The following NRXN3 variants were observed in gnomAD, a reference collection of about 807,000 sequenced individuals.
The protein encoded by NRXN3 is neurexin 3.
A neutral mutation model predicts 137.6 loss-of-function variants in NRXN3; 32 were observed. The observed-to-expected ratio is 0.23, with a 90% CI of 0.18 to 0.31. The LOEUF (loss-of-function observed/expected upper bound fraction) is 0.31, where lower values mean the gene tolerates loss of function less well. Among genes scored for constraint, NRXN3 ranks in the 10% least tolerant of loss-of-function variants. The probability of loss-of-function intolerance (pLI) is 1.00; values close to 1 mark genes in which losing one functional copy is unlikely to be tolerated. For synonymous variants in NRXN3, 798 were observed against 784.5 expected (o/e 1.02, Z -0.29); for missense variants, 1,574 against 2,062.5 (o/e 0.76, Z 4.59).
chr14:78,641,455 G>A (rs895142573), intron 4 of NRXN3, among the ~76,000 whole-genome samples: 11 of 152,186 alleles, frequency 7.2e-5, no homozygotes, highest in Non-Finnish European at 1.5e-4. Flanking sequence ...CTGGGGGACA[G>A]AGCGAGACTC....
At chr14:78,857,080 A>G (rs2099059440) in intron 10 of NRXN3, among the ~76,000 whole-genome samples, 2 of 152,140 alleles carry the variant, frequency 1.3e-5, no homozygotes, top group African/African-American at 2.4e-5. Flanking sequence ...TATGTTATGC[A>G]ATGAAAATGT....
intron 10 of NRXN3, among the ~76,000 whole-genome samples, chr14:78,889,970 G>C (rs39893): frequency 0.14 from 20,920 of 152,008 alleles, 3,005 homozygotes; most frequent in African/African-American, 0.37. Context: ...GAAACAGAAG[G>C]CCATGTGAAG....
rs559675183 is a variant in NRXN3 at position 78,911,749 on chromosome 14, G to A, written c.2276-45493G>A. Among the ~76,000 whole-genome samples the A allele has an allele frequency of 2.0e-5, 3 of 152,182 alleles. No individual in the cohort carries two copies. The South Asian group carries it at 6.2e-4, about 32-fold the overall frequency. On this transcript the variant is annotated intron_variant, in intron 10 of 20. Transcript: ENST00000335750. ...CACAGTAACACATACTAAAATAATG[G>A]TATGATACACAAGTAAGAATAAAAA...
chr14:78,726,974 A>AAAAAC (rs1157586028), intron 8 of NRXN3, among the ~76,000 whole-genome samples: 6 of 151,800 alleles, frequency 4.0e-5, no homozygotes, highest in South Asian at 2.1e-4. Context: ...AAAAAAAAAA[A>AAAAAC]AAAACCTTCA....
intron 16 of NRXN3, among the ~76,000 whole-genome samples, chr14:79,614,997 T>C (rs1344343692): frequency 6.6e-6 from 1 of 152,204 alleles, no homozygotes; most frequent in Non-Finnish European, 1.5e-5. Flanking sequence ...TCTTGGAAGA[T>C]GACAGACTGA....
At chr14:78,755,530 C>T (rs2098664159) in intron 8 of NRXN3, among the ~76,000 whole-genome samples, 5 of 152,166 alleles carry the variant, frequency 3.3e-5, no homozygotes, top group Admixed American at 3.3e-4. Context: ...TATTATTTTA[C>T]AGATAAAAAA....
At chr14:79,496,606 T>C (rs1404381977) in intron 16 of NRXN3, among the ~76,000 whole-genome samples, 1 of 152,164 alleles carries the variant, frequency 6.6e-6, no homozygotes, top group Non-Finnish European at 1.5e-5. Context: ...TGATACAGCC[T>C]TTGCTATAAT....
At chr14:79,506,450 T>C (rs536285878) in intron 16 of NRXN3, among the ~76,000 whole-genome samples, 1 of 152,314 alleles carries the variant, frequency 6.6e-6, no homozygotes, top group African/African-American at 2.4e-5. Flanking sequence ...AGTTTCACAG[T>C]TATCAACCTT....
intron 1 of NRXN3, among the ~76,000 whole-genome samples, chr14:78,208,543 T>C (rs1248058423): frequency 5.9e-5 from 9 of 152,224 alleles, no homozygotes; most frequent in Non-Finnish European, 1.3e-4. Flanking sequence ...CCTATACCAG[T>C]GGACACAGAT....
intron 4 of NRXN3, among the ~76,000 whole-genome samples, chr14:78,495,964 T>G (rs2095774992): frequency 6.6e-6 from 1 of 152,226 alleles, no homozygotes; most frequent in Non-Finnish European, 1.5e-5. Context: ...CGGCATGTTT[T>G]ACTTCTATTT....
At chr14:79,466,183 T>A (rs2096419626) in intron 15 of NRXN3, among the ~76,000 whole-genome samples, 1 of 152,202 alleles carries the variant, frequency 6.6e-6, no homozygotes, top group Non-Finnish European at 1.5e-5. Flanking sequence ...GTGATGTTTT[T>A]TCTGTTTCTT....
intron 4 of NRXN3, among the ~76,000 whole-genome samples, chr14:78,417,595 A>G (rs73329122): frequency 0.079 from 11,959 of 152,258 alleles, 1,206 homozygotes; most frequent in African/African-American, 0.23. Context: ...AAACCAGCAC[A>G]ATAACTGGTT....
intron 15 of NRXN3, among the ~76,000 whole-genome samples, chr14:79,350,461 G>C (rs1183042638): frequency 6.6e-6 from 1 of 152,100 alleles, no homozygotes; most frequent in African/African-American, 2.4e-5. Flanking sequence ...ATTTATCCTG[G>C]ACTAGCTTAC....
Position 79,050,251 on chromosome 14 carries a change from A to AT in NRXN3, c.3262+62116dup, listed in dbSNP as rs567158991. On this transcript the variant is annotated intron_variant, in intron 15 of 20. Transcript: ENST00000335750. The stretch of plus-strand genomic sequence containing the variant: ...TACTGCGGTTGGACTCTTCATTCAG[A>AT]TTTTTTCAAAGCACATTATAAACTC... Among the ~76,000 whole-genome samples, 988 of 152,250 alleles carry AT rather than the reference A, an allele frequency of 6.5e-3. 4 individuals carry two copies. Among genetic ancestry groups the AT allele is most frequent in the Non-Finnish European group, 0.01 (706 of 68,016 alleles).
intron 1 of NRXN3, among the ~76,000 whole-genome samples, chr14:78,238,841 G>T (rs10145325): frequency 0.51 from 78,195 of 152,074 alleles, 20,528 homozygotes; most frequent in Middle Eastern, 0.62. Context: ...AGGGACTGAA[G>T]GAATGGGGAG....
intron 4 of NRXN3, among the ~76,000 whole-genome samples, chr14:78,387,005 C>T (rs559030201): frequency 6.6e-6 from 1 of 152,048 alleles, no homozygotes; most frequent in East Asian, 1.9e-4. Context: ...TAGTCTCGAT[C>T]TCCTGACTCA....
intron 15 of NRXN3, among the ~76,000 whole-genome samples, chr14:79,019,068 TATTCCC>T (rs1161960944): frequency 6.6e-6 from 1 of 152,158 alleles, no homozygotes; most frequent in Non-Finnish European, 1.5e-5. Flanking sequence ...GACTCATTAC[TATTCCC>T]ATTCATTCAG....
At chr14:78,484,526 G>C (rs2095531224) in intron 4 of NRXN3, among the ~76,000 whole-genome samples, 1 of 151,988 alleles carries the variant, frequency 6.6e-6, no homozygotes, top group Non-Finnish European at 1.5e-5. Flanking sequence ...TTTTTTTCTG[G>C]GGGAGAGGGG....
At chr14:78,336,285 A>G (rs1277399481) in intron 4 of NRXN3, among the ~76,000 whole-genome samples, 3 of 152,170 alleles carry the variant, frequency 2.0e-5, no homozygotes, top group African/African-American at 7.2e-5. Flanking sequence ...TAATGTGTTA[A>G]TAATCTCTTT....
Sources: allele counts gnomAD v4.1 joint callset (sites outside exome capture counted in the v4.1 genomes callset), GRCh38; gene constraint gnomAD v4.1.1; transcripts MANE v1.5; gene names NCBI Gene and HGNC (gene_info 2026-07-23, HGNC 2026-07-21).